The following TRIM33 variants were observed in gnomAD, a reference collection of about 807,000 sequenced individuals.
TRIM33 encodes the protein E3 ubiquitin-protein ligase TRIM33.
TRIM33 carries 20 observed loss-of-function variants against 125.4 expected under a neutral mutation model. The ratio of observed to expected loss-of-function variants is 0.16; its 90% confidence interval spans 0.11 to 0.23. TRIM33 has a LOEUF of 0.23. Ranked by LOEUF, TRIM33 falls within the 10% of genes least tolerant of loss-of-function variation. TRIM33 has a pLI of 1.00. For synonymous variants in TRIM33, 564 were observed against 513.9 expected, an observed-to-expected ratio of 1.10 and a Z score of -1.32; for missense variants, 920 against 1,411.4, an observed-to-expected ratio of 0.65 and a Z score of 5.58.
intron 1 of TRIM33, among the ~76,000 whole-genome samples, chr1:114,498,938 C>T (rs888855022): frequency 1.3e-5 from 2 of 151,972 alleles, no homozygotes; most frequent in Non-Finnish European, 2.9e-5. Flanking sequence ...AGAAGCATAT[C>T]ACTATATTTC....
chr1:114,482,172 AATTTC>A (rs1651400924), intron 1 of TRIM33, among the ~76,000 whole-genome samples: 1 of 152,184 alleles, frequency 6.6e-6, no homozygotes, highest in Non-Finnish European at 1.5e-5. Flanking sequence ...GTAAATCATC[AATTTC>A]ATTTACGCTT....
At chr1:114,487,078 C>G (rs1190322314) in intron 1 of TRIM33, among the ~76,000 whole-genome samples, 1 of 142,564 alleles carries the variant, frequency 7.0e-6, no homozygotes, top group Non-Finnish European at 1.5e-5. Context: ...CAGAGCAAGA[C>G]TCTGTCTCAA....
chr1:114,505,880 A>C (rs943050178), intron 1 of TRIM33, among the ~76,000 whole-genome samples: 2 of 152,138 alleles, frequency 1.3e-5, no homozygotes, highest in African/African-American at 4.8e-5. Flanking sequence ...CAGTAAGTTG[A>C]AGAATTCAGT....
At chr1:114,477,359 A>C (rs1401910124) in intron 1 of TRIM33, among the ~76,000 whole-genome samples, 1 of 152,052 alleles carries the variant, frequency 6.6e-6, no homozygotes, top group Admixed American at 6.5e-5. Context: ...AAAAAAAAAA[A>C]CAAAAACACT....
chr1:114,490,621 A>G (rs780850287), intron 1 of TRIM33: 14 of 152,234 alleles, frequency 9.2e-5, no homozygotes, highest in Non-Finnish European at 1.8e-4. Context: ...AATAGCCAAA[A>G]AAGAGAAACA....
At chr1:114,503,731 T>TA (rs1233717840) in intron 1 of TRIM33, among the ~76,000 whole-genome samples, 1 of 152,236 alleles carries the variant, frequency 6.6e-6, no homozygotes, top group African/African-American at 2.4e-5. Flanking sequence ...AATTTTCATT[T>TA]AAAATCTCAA....
Position 114,463,586 on chromosome 1 carries a change from T to A in TRIM33, c.646-30A>T, listed in dbSNP as rs200284448. ...AAGAAGAAATAAGCACTAATCTAAA[T>A]TAAATACATAAAATCTAGATCTAAA... On this transcript the variant is annotated intron_variant, in intron 2 of 19. Transcript: ENST00000358465. 1,682 of 1,398,848 alleles carry A rather than the reference T, an allele frequency of 1.2e-3. 31 individuals are homozygous for A. The South Asian group carries it at 0.021, about 17-fold the overall frequency. 86.7% of individuals were successfully genotyped at this position (1,398,848 alleles called of 1,614,324 possible). A position where few individuals can be genotyped will look rare whatever the true frequency, so the allele number is the denominator to read the frequency against.
intron 1 of TRIM33, among the ~76,000 whole-genome samples, chr1:114,469,982 A>G (rs927780599): frequency 1.3e-5 from 2 of 152,260 alleles, no homozygotes; most frequent in South Asian, 2.1e-4. Context: ...AAGTATTTCC[A>G]AAGTTAATTT....
chr1:114,472,444 C>T (rs1201251753), intron 1 of TRIM33, among the ~76,000 whole-genome samples: 1 of 152,166 alleles, frequency 6.6e-6, no homozygotes, highest in Non-Finnish European at 1.5e-5. Context: ...AAACAAAATA[C>T]AGAAGTGGCC....
At chr1:114,457,032 A>G (rs1387755960) in intron 4 of TRIM33, among the ~76,000 whole-genome samples, 1 of 152,186 alleles carries the variant, frequency 6.6e-6, no homozygotes, top group South Asian at 2.1e-4. Context: ...ACTAAATAAG[A>G]AGCCCAGTGT....
chr1:114,408,824 T>C (rs1652406927), intron 12 of TRIM33, 84 bp from the exon 13 acceptor site: 3 of 936,392 alleles, frequency 3.2e-6, no homozygotes, highest in Non-Finnish European at 3.2e-6. Flanking sequence ...CTCAAGATTA[T>C]TATAACCCAG....
At chr1:114,471,601 AC>A (rs765081221) in intron 1 of TRIM33, among the ~76,000 whole-genome samples, 1 of 152,138 alleles carries the variant, frequency 6.6e-6, no homozygotes, top group Non-Finnish European at 1.5e-5. Flanking sequence ...AAAAGGATAA[AC>A]AAACATACAG....
intron 11 of TRIM33, among the ~76,000 whole-genome samples, chr1:114,416,159 C>G (rs1652930307): frequency 6.6e-6 from 1 of 152,024 alleles, no homozygotes; most frequent in African/African-American, 2.4e-5. Context: ...CAGAAATGTT[C>G]TAGTGTTATG....
intron 1 of TRIM33, among the ~76,000 whole-genome samples, chr1:114,499,667 C>T (rs1250081917): frequency 2.6e-5 from 4 of 152,140 alleles, no homozygotes; most frequent in Non-Finnish European, 4.4e-5. Context: ...GCAAAATACC[C>T]TCTGGAGGCT....
At chr1:114,504,174 A>G (rs542372058) in intron 1 of TRIM33, among the ~76,000 whole-genome samples, 71 of 148,328 alleles carry the variant, frequency 4.8e-4, no homozygotes, top group Admixed American at 8.1e-4. Context: ...TATTTTTTTT[A>G]TTTTTTTAAA....
chr1:114,417,924 G>A (rs1195466357), intron 11 of TRIM33, among the ~76,000 whole-genome samples: 1 of 152,156 alleles, frequency 6.6e-6, no homozygotes, highest in African/African-American at 2.4e-5. Flanking sequence ...CCAAAGTGCT[G>A]GGATTACAGG....
At chr1:114,406,228 C>A (rs1214605244) in intron 14 of TRIM33, among the ~76,000 whole-genome samples, 1 of 152,042 alleles carries the variant, frequency 6.6e-6, no homozygotes, top group East Asian at 1.9e-4. Flanking sequence ...TATGGGGGTA[C>A]TTTCTAAACC....
chr1:114,430,435 G>A (rs1317136435), intron 6 of TRIM33, among the ~76,000 whole-genome samples: 2 of 152,080 alleles, frequency 1.3e-5, no homozygotes, highest in African/African-American at 4.8e-5. Context: ...GTAGAGGCAG[G>A]TTTCGCCATG....
At chr1:114,461,187 G>A (rs1227174834) in intron 4 of TRIM33, among the ~76,000 whole-genome samples, 1 of 142,064 alleles carries the variant, frequency 7.0e-6, no homozygotes, top group African/African-American at 2.7e-5. Context: ...TTCCAGCCTG[G>A]GTGACAGAGC....
Sources: gnomAD v4.1 joint callset for allele counts (sites outside exome capture counted in the v4.1 genomes callset) on GRCh38, gnomAD v4.1.1 for gene constraint, MANE v1.5 for transcripts, NCBI Gene and HGNC (gene_info 2026-07-23, HGNC 2026-07-21) for gene names.